ZNF69: variants seen among roughly 807,000 people sequenced by gnomAD.
ZNF69 encodes the protein ZNF3.
ZNF69 carries 47 observed loss-of-function variants against 50.9 expected under a neutral mutation model. That is an observed-to-expected ratio of 0.92 (90% confidence interval 0.73 to 1.18). ZNF69 has a LOEUF of 1.18. Among genes scored for constraint, ZNF69 ranks in the 50% most tolerant of loss-of-function variants. The pLI is 0.00. For missense variants in ZNF69, 717 were observed against 675.1 expected, an observed-to-expected ratio of 1.06 and a Z score of -0.69; for synonymous variants, 216 against 223.1, an observed-to-expected ratio of 0.97 and a Z score of 0.29.
the ZNF69 span, chr19:11,948,510 G>A: frequency 6.2e-7 from 1 of 1,613,174 alleles, no homozygotes; most frequent in Non-Finnish European, 8.5e-7. Flanking sequence ...ATGGACCAAA[G>A]CCATATAAGT....
rs768850128 is a variant in ZNF69 at position 11,887,895 on chromosome 19, C to T, written c.-29C>T. On this transcript the variant is annotated 5_prime_UTR_variant, in exon 1 of 4. Transcript: ENST00000429654. ...CCGAGAGGGACCTGGTTCCTCTGCC[C>T]AGGCTTCTGTCACTCTGTCACCTAC... 6.2e-7 allele frequency: 1 copy of T among 1,605,508 alleles called. No homozygotes were observed. The highest frequency in any genetic ancestry group is 1.1e-5 in the South Asian group (1 of 90,944).
At chr19:11,936,773 TC>T in the ZNF69 span, among the ~76,000 whole-genome samples, 853 of 152,318 alleles carry the variant, frequency 5.6e-3, 7 homozygotes, top group African/African-American at 0.02. Flanking sequence ...CATGCCTATG[TC>T]CTGAATGGTA....
intron 1 of ZNF69, among the ~76,000 whole-genome samples, chr19:11,889,568 C>G (rs1191116042): frequency 6.6e-6 from 1 of 152,226 alleles, no homozygotes; most frequent in African/African-American, 2.4e-5. Flanking sequence ...CGGATTCAAG[C>G]AATTCTCTAG....
chr19:11,917,475 A>G (rs1039933939), downstream of ZNF69, among the ~76,000 whole-genome samples: 2 of 152,160 alleles, frequency 1.3e-5, no homozygotes, highest in African/African-American at 2.4e-5. Context: ...CCACGGTCCA[A>G]GTGGTTCCTA....
At chr19:11,910,778 TA>T (rs1374911301), downstream of ZNF69, among the ~76,000 whole-genome samples, 1 of 152,132 alleles carries the variant, frequency 6.6e-6, no homozygotes, top group African/African-American at 2.4e-5. Context: ...ACTTCATGAT[TA>T]AAACACCAAA....
downstream of ZNF69, among the ~76,000 whole-genome samples, chr19:11,919,097 G>T (rs279229): frequency 0.036 from 5,499 of 151,890 alleles, 364 homozygotes; most frequent in African/African-American, 0.13. Context: ...GGGTTTCATC[G>T]TGTTAGCCAG....
At chr19:11,908,313 CA>C (rs1203981975), downstream of ZNF69, among the ~76,000 whole-genome samples, 1 of 152,154 alleles carries the variant, frequency 6.6e-6, no homozygotes, top group East Asian at 1.9e-4. Flanking sequence ...AGCTCTGCAC[CA>C]AGAGGACCTA....
chr19:11,952,009 T>C, the ZNF69 span, among the ~76,000 whole-genome samples: 1 of 152,192 alleles, frequency 6.6e-6, no homozygotes, highest in Non-Finnish European at 1.5e-5. Flanking sequence ...ACCCCATCTC[T>C]ACTAAAATTA....
chr19:11,893,930 G>A (rs1306666451), intron 1 of ZNF69, among the ~76,000 whole-genome samples: 1 of 152,024 alleles, frequency 6.6e-6, no homozygotes. Context: ...CCTCTGGATT[G>A]TCTCAACCGT....
chr19:11,901,387 A>G (rs1972240853), intron 1 of ZNF69, among the ~76,000 whole-genome samples: 2 of 152,228 alleles, frequency 1.3e-5, no homozygotes, highest in Admixed American at 6.5e-5. Context: ...GCAGTAGGAT[A>G]TAAACAATTC....
chr19:11,893,238 A>C (rs997860712), intron 1 of ZNF69, among the ~76,000 whole-genome samples: 4 of 152,182 alleles, frequency 2.6e-5, no homozygotes, highest in African/African-American at 9.7e-5. Flanking sequence ...AATTTTGAAG[A>C]GTTGTATTTA....
At chr19:11,919,980 G>A in the ZNF69 span, among the ~76,000 whole-genome samples, 1,180 of 152,126 alleles carry the variant, frequency 7.8e-3, 20 homozygotes, top group African/African-American at 0.027. Flanking sequence ...GGATCTACCT[G>A]GAATGTCTCC....
At chr19:11,967,718 AAAAAAAG>A in the ZNF69 span, among the ~76,000 whole-genome samples, 1 of 152,068 alleles carries the variant, frequency 6.6e-6, no homozygotes, top group African/African-American at 2.4e-5. Context: ...CTCTATTTTT[AAAAAAAG>A]AAAAAAGAAA....
chr19:11,927,964 A>G, the ZNF69 span, among the ~76,000 whole-genome samples: 22 of 151,526 alleles, frequency 1.5e-4, no homozygotes, highest in East Asian at 4.1e-3. Flanking sequence ...TAACAGGATT[A>G]TGTTTTCCAT....
At chr19:11,921,105 A>C in the ZNF69 span, among the ~76,000 whole-genome samples, 3 of 152,168 alleles carry the variant, frequency 2.0e-5, no homozygotes, top group Admixed American at 6.5e-5. Context: ...GGTCTCAAAC[A>C]TTGGACTCAG....
the ZNF69 span, chr19:11,950,582 G>A: frequency 6.0e-6 from 3 of 503,432 alleles, no homozygotes; most frequent in Non-Finnish European, 1.1e-5. Context: ...ACCTTCAACG[G>A]CATGGAAGGG....
At chr19:11,917,397 A>C (rs559131245), downstream of ZNF69, among the ~76,000 whole-genome samples, 1 of 152,246 alleles carries the variant, frequency 6.6e-6, no homozygotes, top group East Asian at 1.9e-4. Context: ...AATTCCCAGA[A>C]GTAATTTTCT....
the ZNF69 span, among the ~76,000 whole-genome samples, chr19:11,976,560 A>C: frequency 6.7e-6 from 1 of 149,458 alleles, no homozygotes; most frequent in East Asian, 2.0e-4. Context: ...TGTCTCAAAA[A>C]AAAAAAAAAA....
At chr19:11,936,089 T>C in the ZNF69 span, among the ~76,000 whole-genome samples, 3 of 152,238 alleles carry the variant, frequency 2.0e-5, no homozygotes, top group East Asian at 5.8e-4. Flanking sequence ...TGCCACATTT[T>C]CTTAATCCAG....
Sources: allele counts gnomAD v4.1 joint callset (sites outside exome capture counted in the v4.1 genomes callset), GRCh38; gene constraint gnomAD v4.1.1; transcripts MANE v1.5; gene names NCBI Gene and HGNC (gene_info 2026-07-23, HGNC 2026-07-21).